ANTXR1: variants seen among roughly 807,000 people sequenced by gnomAD.
ANTXR1 encodes ANTXR cell adhesion molecule 1.
A neutral mutation model predicts 78.1 loss-of-function variants in ANTXR1; 19 were observed. The ratio of observed to expected loss-of-function variants is 0.24; its 90% CI spans 0.17 to 0.36. The LOEUF (loss-of-function observed/expected upper bound fraction) is 0.36. ANTXR1 is among the 10% of genes least tolerant of loss of function. The pLI is 1.00. For synonymous variants in ANTXR1, 273 were observed against 260.5 expected, an observed-to-expected ratio of 1.05 and a Z score of -0.46; for missense variants, 518 against 718.6, an observed-to-expected ratio of 0.72 and a Z score of 3.19.
In ANTXR1 at chr2:69,024,897, C is replaced by T. The variant is rs536214730; in HGVS notation, c.152+11246C>T. On this transcript the variant is annotated intron_variant, in intron 1 of 17. Transcript: ENST00000303714. ...TCTTTTTAGAACACAAATCTGATGTCGATACTATCTTCCCTCTCACCTCTT... is the reference window on the plus strand; with the variant it reads ...TCTTTTTAGAACACAAATCTGATGTTGATACTATCTTCCCTCTCACCTCTT... Among the ~76,000 whole-genome samples, 21 of 152,262 alleles carry T rather than the reference C, an allele frequency of 1.4e-4. No homozygotes were observed. In the South Asian group the frequency reaches 2.9e-3, roughly 21 times the overall value.
intron 17 of ANTXR1, among the ~76,000 whole-genome samples, chr2:69,241,826 A>G (rs1459359520): frequency 1.3e-5 from 2 of 152,134 alleles, no homozygotes; most frequent in Non-Finnish European, 1.5e-5. Context: ...AGACAGCATT[A>G]GACTACTAAA....
chr2:69,017,618 A>G (rs1428693825), intron 1 of ANTXR1, among the ~76,000 whole-genome samples: 1 of 152,186 alleles, frequency 6.6e-6, no homozygotes, highest in Admixed American at 6.5e-5. Flanking sequence ...GTAACACAAT[A>G]GGGCATTATT....
At chr2:69,079,047 G>T (rs148133679) in intron 8 of ANTXR1, among the ~76,000 whole-genome samples, 156 of 152,104 alleles carry the variant, frequency 1.0e-3, no homozygotes, top group African/African-American at 3.7e-3. Context: ...CCCACCTCAG[G>T]TTGGGAATTT....
At chr2:69,225,146 C>T (rs913518428) in intron 17 of ANTXR1, among the ~76,000 whole-genome samples, 2 of 152,190 alleles carry the variant, frequency 1.3e-5, no homozygotes, top group African/African-American at 4.8e-5. Flanking sequence ...ATCACCACCA[C>T]TCAAATTTCA....
intron 10 of ANTXR1, among the ~76,000 whole-genome samples, chr2:69,110,189 C>T (rs1671933967): frequency 6.6e-6 from 1 of 152,146 alleles, no homozygotes; most frequent in South Asian, 2.1e-4. Context: ...CATTCATCAT[C>T]AGTGAGAGAC....
chr2:69,236,844 C>G (rs1317763161), intron 17 of ANTXR1, among the ~76,000 whole-genome samples: 2 of 152,312 alleles, frequency 1.3e-5, no homozygotes, highest in African/African-American at 4.8e-5. Flanking sequence ...CAGTAAACTA[C>G]TTTAAAACTT....
chr2:69,217,253 T>A (rs1675200761), intron 17 of ANTXR1, among the ~76,000 whole-genome samples: 1 of 152,222 alleles, frequency 6.6e-6, no homozygotes, highest in Non-Finnish European at 1.5e-5. Flanking sequence ...GCTTAGGGCC[T>A]CAGGGCCTCC....
chr2:69,092,084 TGA>T (rs1048208636), intron 9 of ANTXR1, among the ~76,000 whole-genome samples: 1 of 152,210 alleles, frequency 6.6e-6, no homozygotes, highest in African/African-American at 2.4e-5. Flanking sequence ...CTTTCACCAT[TGA>T]GAGTTTATTG....
At chr2:69,232,178 TAAAG>T (rs1675616374) in intron 17 of ANTXR1, among the ~76,000 whole-genome samples, 1 of 152,044 alleles carries the variant, frequency 6.6e-6, no homozygotes, top group Non-Finnish European at 1.5e-5. Flanking sequence ...TGGACTTCAA[TAAAG>T]CAAGCAGATG....
At chr2:69,210,520 AC>A (rs1230726087) in intron 17 of ANTXR1, among the ~76,000 whole-genome samples, 1 of 152,202 alleles carries the variant, frequency 6.6e-6, no homozygotes, top group Non-Finnish European at 1.5e-5. Context: ...CCATTTGAAA[AC>A]CAAAAAACCA....
At chr2:69,027,168 A>G (rs1366466703) in intron 1 of ANTXR1, among the ~76,000 whole-genome samples, 1 of 152,190 alleles carries the variant, frequency 6.6e-6, no homozygotes, top group Non-Finnish European at 1.5e-5. Context: ...AGCATCATGC[A>G]GTGGCAGCTG....
chr2:69,190,620 G>C (rs73934787), intron 16 of ANTXR1, among the ~76,000 whole-genome samples: 6,954 of 152,190 alleles, frequency 0.046, 537 homozygotes, highest in African/African-American at 0.16. Context: ...TATGAGAAAA[G>C]TAAGGCTTAG....
At chr2:69,149,907 A>G (rs1190899357) in intron 12 of ANTXR1, among the ~76,000 whole-genome samples, 1 of 152,190 alleles carries the variant, frequency 6.6e-6, no homozygotes, top group Non-Finnish European at 1.5e-5. Context: ...GCCATCACCC[A>G]TGTATAAATG....
At chr2:69,194,113 C>T (rs1674607424) in intron 17 of ANTXR1, among the ~76,000 whole-genome samples, 3 of 152,288 alleles carry the variant, frequency 2.0e-5, no homozygotes, top group South Asian at 4.1e-4. Flanking sequence ...TAATTGCATT[C>T]TCCAAAAAAC....
chr2:69,093,128 A>G (rs1671292052), intron 9 of ANTXR1, among the ~76,000 whole-genome samples: 1 of 152,190 alleles, frequency 6.6e-6, no homozygotes, highest in Non-Finnish European at 1.5e-5. Flanking sequence ...AAGGAAACTT[A>G]TTTCTCTCTA....
At chr2:69,147,413 C>T (rs114050329) in intron 12 of ANTXR1, among the ~76,000 whole-genome samples, 1 of 152,168 alleles carries the variant, frequency 6.6e-6, no homozygotes, top group Admixed American at 6.5e-5. Context: ...ATTAAGACTC[C>T]AAGCCAAGAA....
intron 6 of ANTXR1, among the ~76,000 whole-genome samples, chr2:69,075,143 C>A (rs1670690991): frequency 6.6e-6 from 1 of 152,156 alleles, no homozygotes; most frequent in Non-Finnish European, 1.5e-5. Context: ...TAAATGTTCT[C>A]ATTTAATCCC....
chr2:69,217,805 G>A (rs4990716), intron 17 of ANTXR1, among the ~76,000 whole-genome samples: 2,843 of 149,664 alleles, frequency 0.019, 100 homozygotes, highest in African/African-American at 0.066. Flanking sequence ...AGGCACTAGC[G>A]GTATATGGAA....
intron 17 of ANTXR1, among the ~76,000 whole-genome samples, chr2:69,212,302 G>A (rs1004561041): frequency 7.2e-5 from 11 of 152,186 alleles, no homozygotes; most frequent in East Asian, 1.9e-4. Context: ...GACCTTGGAC[G>A]TGGTACTTTG....
Sources: gnomAD v4.1 joint callset for allele counts (sites outside exome capture counted in the v4.1 genomes callset) on GRCh38, gnomAD v4.1.1 for gene constraint, MANE v1.5 for transcripts, NCBI Gene and HGNC (gene_info 2026-07-23, HGNC 2026-07-21) for gene names.